CEP192: variants seen among roughly 807,000 people sequenced by gnomAD.
CEP192 encodes the protein centrosomal protein of 192 kDa.
Under a neutral mutation model 271.8 loss-of-function variants are expected in CEP192, and 151 were observed. That is an observed-to-expected ratio of 0.56 (90% CI 0.49 to 0.64). The LOEUF (loss-of-function observed/expected upper bound fraction) is 0.64, where lower values mean the gene tolerates loss of function less well. Among genes scored for constraint, CEP192 ranks in the 30% least tolerant of loss-of-function variants. The pLI, the probability that CEP192 is intolerant of heterozygous loss-of-function variation, is 0.00. For synonymous variants in CEP192, 995 were observed against 1,076.5 expected (o/e 0.92, Z 1.48); for missense variants, 2,910 against 3,020.5 (o/e 0.96, Z 0.86).
chr18:13,116,364 A>C lies in CEP192; in HGVS notation c.7290-13A>C. 2 of 1,610,464 alleles carry C rather than the reference A, an allele frequency of 1.2e-6. No individual in the cohort carries two copies. Among genetic ancestry groups the C allele is most frequent in the Non-Finnish European group, 1.7e-6 (2 of 1,179,048 alleles). ...TTTCAGATTCTTAACTTTTACACCT[A>C]TTCCCAAAGCAGGCAGCTTGATGTG... On this transcript the variant is annotated splice_polypyrimidine_tract_variant and intron_variant, in intron 42 of 44. Transcript: ENST00000506447.
At chr18:13,051,365 TTG>T (rs34111719) in intron 17 of CEP192, among the ~76,000 whole-genome samples, 38 of 150,980 alleles carry the variant, frequency 2.5e-4, no homozygotes, top group African/African-American at 7.3e-4. Flanking sequence ...GTGTATGTGT[TTG>T]TGTGTGTGTG....
chr18:13,049,573 C>T lies in CEP192; in HGVS notation c.2782C>T (p.Arg928Ter), dbSNP rs1401154906. 2.5e-6 allele frequency: 4 copies of T among 1,613,682 alleles called. No individual in the cohort carries two copies. The highest frequency in any genetic ancestry group is 1.1e-5 in the South Asian group (1 of 91,052). Reference sequence around the variant, plus strand: ...TCTGTTAAAAGACTGTGAAGAAATACGAGATAACAGAGAAAATCAGAGGCA... The same window carrying T: ...TCTGTTAAAAGACTGTGAAGAAATATGAGATAACAGAGAAAATCAGAGGCA... ...LCLLKDCEEI[R>*]DNRENQRQNE... The change falls in exon 16 of 45, where the codon CGA (arginine) becomes TGA (stop). Residue 928 changes from arginine to a stop codon, truncating the protein, a stop_gained. Transcript: ENST00000506447. LOFTEE classifies it high-confidence loss of function.
chr18:13,116,445 T>C lies in CEP192; in HGVS notation c.7358T>C (p.Val2453Ala), dbSNP rs2040434265. ...EDVYRFRPTS[V>A]GESRTLKVNL... is the part of the protein sequence containing the mutation. Reference sequence around the variant, plus strand: ...GTGTACAGGTTCCGGCCGACTAGTGTGGGGGAATCACGGACACTTAAAGTC... The same window carrying C: ...GTGTACAGGTTCCGGCCGACTAGTGCGGGGGAATCACGGACACTTAAAGTC... The change falls in exon 43 of 45, where the codon GTG becomes GCG. Residue 2453 changes from valine to alanine, a missense_variant. By Grantham distance (64) the Val-to-Ala change is moderately conservative. Coordinates refer to ENST00000506447, the MANE Select transcript of CEP192 (RefSeq NM_032142.4). 6.2e-7 allele frequency: 1 copy of C among 1,611,852 alleles called. No individual in the cohort carries two copies. The highest frequency in any genetic ancestry group is 1.7e-5 in the Admixed American group (1 of 59,584).
At chr18:13,083,912 A>C (rs1319583029) in intron 30 of CEP192, among the ~76,000 whole-genome samples, 1 of 152,042 alleles carries the variant, frequency 6.6e-6, no homozygotes, top group Non-Finnish European at 1.5e-5. Context: ...CTGGAGGTAC[A>C]CTCCAGATCC....
chr18:13,002,765 A>G (rs372587003), intron 3 of CEP192, among the ~76,000 whole-genome samples: 3 of 152,318 alleles, frequency 2.0e-5, no homozygotes, highest in African/African-American at 4.8e-5. Context: ...GAATGGTGGT[A>G]TTATAGACAA....
chr18:13,006,635 T>C (rs554731265), intron 3 of CEP192, among the ~76,000 whole-genome samples: 2 of 152,340 alleles, frequency 1.3e-5, no homozygotes, highest in South Asian at 4.1e-4. Flanking sequence ...CTTGAACTGC[T>C]CCTTTTTTTC....
chr18:13,098,479 A>G (rs2039529802), intron 36 of CEP192, among the ~76,000 whole-genome samples: 1 of 150,896 alleles, frequency 6.6e-6, no homozygotes, highest in Admixed American at 6.6e-5. Flanking sequence ...GGCTGGGCAG[A>G]GACGCTCCTC....
At chr18:13,069,215 C>A in intron 26 of CEP192, 34 bp downstream of exon 26, 1 of 1,554,832 alleles carries the variant, frequency 6.4e-7, no homozygotes, top group Non-Finnish European at 8.9e-7. Context: ...ATAAGATAGT[C>A]TTTCCTCAGA....
chr18:13,114,190 A>T lies in CEP192; in HGVS notation c.7228A>T (p.Ile2410Leu). Reference protein sequence around the residue: ...ACLSTDSLIKIDHLVKPRRQA... With the variant: ...ACLSTDSLIKLDHLVKPRRQA... ...CCTTTCCACGGATTCCCTCATTAAA[A>T]TAGATCATTTAGTTAAGCCCCGAAG... The change falls in exon 42 of 45, where the codon ATA becomes TTA. Residue 2410 changes from isoleucine to leucine, a missense_variant. Transcript: ENST00000506447. 1 of 1,614,134 alleles carries T rather than the reference A, an allele frequency of 6.2e-7. No individual in the cohort carries two copies.
At position 13,059,068 on chromosome 18, in the gene CEP192, G is replaced by A; in HGVS notation, c.4258-14G>A. 1 of 1,571,842 alleles carries A rather than the reference G, an allele frequency of 6.4e-7. No homozygotes were observed. Among genetic ancestry groups the A allele is most frequent in the Non-Finnish European group, 8.8e-7 (1 of 1,141,992 alleles). ...GAAGCCATTAATAACGAACTTTATG[G>A]CTCTTTTTTGAAGGTGGATCTTTCA... On this transcript the variant is annotated splice_polypyrimidine_tract_variant and intron_variant, in intron 20 of 44. Coordinates refer to ENST00000506447, the MANE Select transcript of CEP192 (RefSeq NM_032142.4).
chr18:13,009,692 ACAT>A (rs2145879534), intron 4 of CEP192, among the ~76,000 whole-genome samples: 1 of 152,212 alleles, frequency 6.6e-6, no homozygotes, highest in East Asian at 1.9e-4. Context: ...AATTAGCCAG[ACAT>A]CATGGTGGCT....
chr18:13,089,490 A>G lies in CEP192; in HGVS notation c.6028A>G (p.Ile2010Val), dbSNP rs1462330560. The G allele has an allele frequency of 6.2e-7, 1 of 1,605,072 alleles. No individual in the cohort carries two copies. ...ACATAAACCAGAGATGATAAAACAG[A>G]TACTTCCAGAACATAGTGTGCTTCA... is the stretch of plus-strand genomic sequence containing the variant. Reference protein sequence around the residue: ...LLHKPEMIKQILPEHSVLQNI... With the variant: ...LLHKPEMIKQVLPEHSVLQNI... The change falls in exon 33 of 45, where the codon ATA becomes GTA. Residue 2010 changes from isoleucine (I) to valine (V), a missense_variant. Transcript: ENST00000506447.
At chr18:12,992,677 G>A (rs2032944368) in intron 1 of CEP192, among the ~76,000 whole-genome samples, 1 of 152,200 alleles carries the variant, frequency 6.6e-6, no homozygotes, top group African/African-American at 2.4e-5. Context: ...AATCTTTTCT[G>A]GAGAAGAGAC....
intron 30 of CEP192, among the ~76,000 whole-genome samples, chr18:13,078,528 A>G (rs1347746018): frequency 6.6e-6 from 1 of 152,118 alleles, no homozygotes; most frequent in Non-Finnish European, 1.5e-5. Flanking sequence ...ACAATGGTTG[A>G]ACTAATTTAC....
intron 5 of CEP192, 107 bp from the exon 6 acceptor site, chr18:13,015,221 T>C (rs967138238): frequency 5.4e-5 from 54 of 1,008,792 alleles, no homozygotes; most frequent in Admixed American, 3.3e-4. Flanking sequence ...TTACAGATAC[T>C]GAACACAGTG....
At chr18:13,103,381 T>C in intron 38 of CEP192, 128 bp from the exon 39 acceptor site, 2 of 675,534 alleles carry the variant, frequency 3.0e-6, no homozygotes, top group Admixed American at 2.5e-5. Flanking sequence ...TGGTTCTTGT[T>C]GAACTCCTTT....
intron 40 of CEP192, among the ~76,000 whole-genome samples, chr18:13,110,879 G>A (rs141546289): frequency 6.6e-6 from 1 of 152,316 alleles, no homozygotes; most frequent in African/African-American, 2.4e-5. Context: ...CATCCAGCAC[G>A]GGATAAAAAT....
At chr18:13,029,319 GCTT>G (rs1431811399) in intron 9 of CEP192, among the ~76,000 whole-genome samples, 1 of 152,184 alleles carries the variant, frequency 6.6e-6, no homozygotes, top group Non-Finnish European at 1.5e-5. Flanking sequence ...ACACTAATAG[GCTT>G]ACCATGTTTG....
intron 30 of CEP192, among the ~76,000 whole-genome samples, chr18:13,077,598 G>A (rs757643068): frequency 6.6e-6 from 1 of 152,204 alleles, no homozygotes; most frequent in Non-Finnish European, 1.5e-5. Flanking sequence ...GTTGAGCCCT[G>A]TGGAAGCAGC....
Sources: gnomAD v4.1 joint callset for allele counts (sites outside exome capture counted in the v4.1 genomes callset) on GRCh38, gnomAD v4.1.1 for gene constraint, MANE v1.5 for transcripts, NCBI Gene and HGNC (gene_info 2026-07-23, HGNC 2026-07-21) for gene names.